Variants in DNAH3 observed in about 807,000 individuals in gnomAD.
DNAH3 encodes the protein dynein axonemal heavy chain 3.
Under a neutral mutation model 432.5 loss-of-function variants are expected in DNAH3, and 332 were observed. The observed-to-expected ratio is 0.77, with a 90% CI of 0.70 to 0.84. The LOEUF (loss-of-function observed/expected upper bound fraction) is 0.84, where lower values mean the gene tolerates loss of function less well. DNAH3 is among the 40% of genes least tolerant of loss of function. The probability of loss-of-function intolerance (pLI) is 0.00; values close to 1 mark genes in which losing one functional copy is unlikely to be tolerated. For missense variants in DNAH3, 4,861 were observed against 5,114.0 expected (o/e 0.95, Z 1.51); for synonymous variants, 1,956 against 1,900.2 (o/e 1.03, Z -0.76).
intron 18 of DNAH3, among the ~76,000 whole-genome samples, chr16:21,090,804 G>A (rs2091510048): frequency 6.6e-6 from 1 of 152,132 alleles, no homozygotes; most frequent in Non-Finnish European, 1.5e-5. Flanking sequence ...AGTTATACTG[G>A]AGAAATAAAT....
At chr16:20,934,209 A>T (rs142295917) in intron 61 of DNAH3, among the ~76,000 whole-genome samples, 73 of 152,320 alleles carry the variant, frequency 4.8e-4, no homozygotes, top group African/African-American at 1.6e-3. Flanking sequence ...GGTGAATGGA[A>T]TTTTTTCCCA....
At chr16:21,106,797 T>A (rs2091957930) in intron 14 of DNAH3, 123 bp from the exon 15 acceptor site, 8 of 809,300 alleles carry the variant, frequency 9.9e-6, no homozygotes, top group African/African-American at 1.7e-5. Context: ...AAAAGAAAAT[T>A]TTTTTTTAAT....
chr16:21,064,781 G>A (rs2090481801), intron 24 of DNAH3, among the ~76,000 whole-genome samples: 2 of 151,962 alleles, frequency 1.3e-5, no homozygotes, highest in Non-Finnish European at 2.9e-5. Context: ...CTTAAATTAT[G>A]TGACTATCAA....
intron 5 of DNAH3, among the ~76,000 whole-genome samples, chr16:21,139,408 G>C (rs751046293): frequency 7.6e-6 from 1 of 131,302 alleles, no homozygotes; most frequent in Non-Finnish European, 1.5e-5. Context: ...TCATAGCTGG[G>C]ATGCCTGAGG....
At chr16:20,944,791 A>C in intron 57 of DNAH3, 128 bp from the exon 58 acceptor site, 1 of 827,104 alleles carries the variant, frequency 1.2e-6, no homozygotes, top group Non-Finnish European at 1.9e-6. Flanking sequence ...ACACACACAC[A>C]CACACACACA....
At chr16:20,980,894 A>G (rs1463208913) in intron 49 of DNAH3, among the ~76,000 whole-genome samples, 1 of 152,228 alleles carries the variant, frequency 6.6e-6, no homozygotes, top group Admixed American at 6.5e-5. Flanking sequence ...GGACCACATG[A>G]TATCTGTCAC....
exon 50 of DNAH3, chr16:20,979,486 G>A (rs2085755685): frequency 1.9e-6 from 3 of 1,614,120 alleles, no homozygotes; most frequent in East Asian, 2.2e-5. Flanking sequence ...GAAGTTTGTT[G>A]TAATAATCGA....
At chr16:21,026,089 G>A (rs1432573330) in intron 38 of DNAH3, among the ~76,000 whole-genome samples, 1 of 152,042 alleles carries the variant, frequency 6.6e-6, no homozygotes, top group Non-Finnish European at 1.5e-5. Context: ...GCTTGTTACT[G>A]TGAGTTCTGC....
exon 45 of DNAH3, chr16:20,987,987 A>G (rs1392410596): frequency 3.1e-6 from 5 of 1,614,192 alleles, no homozygotes; most frequent in East Asian, 2.2e-5. Context: ...CCAGTCAACA[A>G]TCGAACTGAA....
intron 54 of DNAH3, among the ~76,000 whole-genome samples, chr16:20,958,026 G>A (rs2084651699): frequency 6.6e-6 from 1 of 151,502 alleles, no homozygotes; most frequent in African/African-American, 2.4e-5. Context: ...GTAGGATAGA[G>A]GCAGGAGGCG....
chr16:21,028,630 G>A (rs2088699728), intron 37 of DNAH3, among the ~76,000 whole-genome samples: 2 of 148,288 alleles, frequency 1.3e-5, no homozygotes, highest in African/African-American at 2.5e-5. Flanking sequence ...CTTCATCCTG[G>A]ACAACAGAGG....
chr16:21,101,151 C>A (rs1021282463), intron 16 of DNAH3, among the ~76,000 whole-genome samples: 1 of 152,134 alleles, frequency 6.6e-6, no homozygotes, highest in Non-Finnish European at 1.5e-5. Flanking sequence ...CTTAAATGCA[C>A]TCAGAACACT....
chr16:21,075,462 C>T (rs763621867), exon 21 of DNAH3: 7 of 1,613,608 alleles, frequency 4.3e-6, no homozygotes, highest in Non-Finnish European at 5.9e-6. Context: ...CCCTGTATTT[C>T]ACGAAGCTGA....
intron 16 of DNAH3, among the ~76,000 whole-genome samples, chr16:21,103,086 A>G (rs12102809): frequency 0.28 from 42,541 of 151,784 alleles, 6,076 homozygotes; most frequent in African/African-American, 0.33. Context: ...AACATCGTAT[A>G]TTCTCACTCA....
chr16:20,969,897 C>T (rs957208621), exon 52 of DNAH3: 10 of 1,614,046 alleles, frequency 6.2e-6, no homozygotes, highest in African/African-American at 2.7e-5. Context: ...ATCGACTTCA[C>T]CAGCGAGATG....
chr16:21,151,381 C>T (rs1055884896), intron 1 of DNAH3, among the ~76,000 whole-genome samples: 18 of 146,980 alleles, frequency 1.2e-4, no homozygotes, highest in African/African-American at 3.8e-4. Flanking sequence ...AGTGCAGTGG[C>T]GTGATCTCAG....
Position 21,110,823 on chromosome 16 carries a change from A to G in DNAH3, c.2099+803T>C, listed in dbSNP as rs558011655. 2.0e-5 allele frequency among the ~76,000 whole-genome samples: 3 copies of G among 152,148 alleles called. No homozygotes were observed. In the South Asian group the frequency reaches 6.2e-4, roughly 32 times the overall value. On this transcript the variant is annotated intron_variant, in intron 14 of 61. Transcript: ENST00000261383. Reference sequence around the variant, plus strand: ...GAGGTCGAGGCTGCCATGAGCTATGATCGCGCCACTACTGCACTCCAGCCT... The same window carrying G: ...GAGGTCGAGGCTGCCATGAGCTATGGTCGCGCCACTACTGCACTCCAGCCT...
intron 58 of DNAH3, among the ~76,000 whole-genome samples, chr16:20,943,791 G>T (rs1460824299): frequency 6.6e-6 from 1 of 151,992 alleles, no homozygotes; most frequent in Non-Finnish European, 1.5e-5. Context: ...GACGATCCTG[G>T]ACAATATGAT....
exon 11 of DNAH3, chr16:21,120,779 C>T: frequency 6.2e-7 from 1 of 1,614,172 alleles, no homozygotes; most frequent in South Asian, 1.1e-5. Flanking sequence ...CTGGGCTCTC[C>T]TGGCTCAGCT....
Sources: gnomAD v4.1 joint callset for allele counts (sites outside exome capture counted in the v4.1 genomes callset) on GRCh38, gnomAD v4.1.1 for gene constraint, MANE v1.5 for transcripts, NCBI Gene and HGNC (gene_info 2026-07-23, HGNC 2026-07-21) for gene names.